Variants in PRR16 observed in about 807,000 individuals in gnomAD.
PRR16 encodes the protein proline rich 16.
A neutral mutation model predicts 18.2 loss-of-function variants in PRR16; 6 were observed. The observed-to-expected ratio is 0.33, with a 90% confidence interval of 0.18 to 0.65. The LOEUF (loss-of-function observed/expected upper bound fraction) is 0.65. Ranked by LOEUF, PRR16 falls within the 30% of genes least tolerant of loss-of-function variation. The pLI is 0.74. For synonymous variants in PRR16, 151 were observed against 147.8 expected, an observed-to-expected ratio of 1.02 and a Z score of -0.16; for missense variants, 412 against 376.6, an observed-to-expected ratio of 1.09 and a Z score of -0.78.
intron 1 of PRR16, among the ~76,000 whole-genome samples, chr5:120,595,332 A>G (rs920054235): frequency 2.0e-5 from 3 of 152,016 alleles, no homozygotes; most frequent in East Asian, 1.9e-4. Flanking sequence ...GTCAACCATC[A>G]TATGAAGGAA....
At chr5:120,639,070 C>A (rs1260978855) in intron 1 of PRR16, among the ~76,000 whole-genome samples, 2 of 152,026 alleles carry the variant, frequency 1.3e-5, no homozygotes, top group African/African-American at 4.8e-5. Flanking sequence ...AATATAGAAT[C>A]TATGCTGTCT....
intron 1 of PRR16, among the ~76,000 whole-genome samples, chr5:120,651,858 C>A (rs1004835901): frequency 6.6e-6 from 1 of 151,926 alleles, no homozygotes; most frequent in Admixed American, 6.6e-5. Context: ...TTTTCCAATT[C>A]TGTGAAGAAA....
At chr5:120,754,765 C>T in the PRR16 span, among the ~76,000 whole-genome samples, 1 of 149,144 alleles carries the variant, frequency 6.7e-6, no homozygotes, top group South Asian at 2.1e-4. Context: ...ATATTGATAA[C>T]ATCTTTACTT....
chr5:120,763,409 T>G, the PRR16 span, among the ~76,000 whole-genome samples: 1 of 152,022 alleles, frequency 6.6e-6, no homozygotes, highest in Non-Finnish European at 1.5e-5. Context: ...GCTGGGCTTA[T>G]AGGTGTGAGC....
chr5:120,783,140 TAAG>T, the PRR16 span, among the ~76,000 whole-genome samples: 3 of 152,184 alleles, frequency 2.0e-5, no homozygotes, highest in African/African-American at 7.2e-5. Context: ...ATATAATTCA[TAAG>T]AAAGAATTAT....
Position 120,567,641 on chromosome 5 carries a change from G to T in PRR16, c.159+102996G>T, listed in dbSNP as rs902587916. Among the ~76,000 whole-genome samples the T allele has an allele frequency of 4.6e-5, 7 of 152,220 alleles. No homozygotes were observed. The East Asian group carries it at 9.7e-4, about 21-fold the overall frequency. ...TTTCCCACTTGCTCTTCTCATGATA[G>T]TGAGTGACTGGTAATCAGATCTGGT... On this transcript the variant is annotated intron_variant, in intron 1 of 1. Transcript: ENST00000407149.
the PRR16 span, among the ~76,000 whole-genome samples, chr5:120,755,789 C>T: frequency 1.3e-5 from 2 of 151,972 alleles, no homozygotes; most frequent in Admixed American, 1.3e-4. Context: ...ATGAGTAGTC[C>T]AGGTTCTTGT....
chr5:120,772,962 G>A, the PRR16 span, among the ~76,000 whole-genome samples: 20 of 152,072 alleles, frequency 1.3e-4, no homozygotes, highest in East Asian at 1.4e-3. Context: ...CATCATCTTT[G>A]TACCTCTTTC....
chr5:120,638,280 C>T (rs1755305879), intron 1 of PRR16, among the ~76,000 whole-genome samples: 2 of 152,036 alleles, frequency 1.3e-5, no homozygotes, highest in South Asian at 4.1e-4. Context: ...TTAAGGATGC[C>T]CAACCTATAT....
At chr5:120,532,241 C>T (rs1184958173) in intron 1 of PRR16, among the ~76,000 whole-genome samples, 1 of 151,978 alleles carries the variant, frequency 6.6e-6, no homozygotes, top group African/African-American at 2.4e-5. Context: ...AGATATTATA[C>T]AAGTGTTTGG....
intron 1 of PRR16, among the ~76,000 whole-genome samples, chr5:120,509,242 C>T (rs975357633): frequency 6.6e-6 from 1 of 152,104 alleles, no homozygotes; most frequent in African/African-American, 2.4e-5. Context: ...CACAGGCCCT[C>T]TATGGTGTAA....
chr5:120,617,596 C>A (rs1754557482), intron 1 of PRR16, among the ~76,000 whole-genome samples: 1 of 152,050 alleles, frequency 6.6e-6, no homozygotes, highest in Admixed American at 6.6e-5. Flanking sequence ...AATATTCACA[C>A]TTTTTATTAA....
At chr5:120,529,532 A>C (rs558800156) in intron 1 of PRR16, among the ~76,000 whole-genome samples, 1 of 152,142 alleles carries the variant, frequency 6.6e-6, no homozygotes, top group African/African-American at 2.4e-5. Context: ...TATATAACAA[A>C]CTCTGGTGAT....
Position 120,665,759 on chromosome 5 carries a change from G to A in PRR16, c.160-20195G>A, listed in dbSNP as rs1017656190. On this transcript the variant is annotated intron_variant, in intron 1 of 1. Transcript: ENST00000407149. ...TTTTTGTCAGGTTTGTCAAAGATCA[G>A]ATAGTTGTAGATATGTGGCATTATT... 5.1e-4 allele frequency among the ~76,000 whole-genome samples: 77 copies of A among 152,288 alleles called. 1 individual carries two copies. Among genetic ancestry groups the A allele is most frequent in the Admixed American group, 1.6e-3 (25 of 15,300 alleles).
chr5:120,662,503 G>A (rs1381144538), intron 1 of PRR16, among the ~76,000 whole-genome samples: 1 of 151,882 alleles, frequency 6.6e-6, no homozygotes, highest in Non-Finnish European at 1.5e-5. Flanking sequence ...TATATCTTAT[G>A]TATTTTTGTA....
At chr5:120,474,604 AAAAC>A (rs1267730723) in intron 1 of PRR16, among the ~76,000 whole-genome samples, 319 of 145,036 alleles carry the variant, frequency 2.2e-3, no homozygotes, top group African/African-American at 7.5e-3. Flanking sequence ...TTTTAAAAAA[AAAAC>A]CCATTATCTG....
At chr5:120,606,162 T>C (rs1754147656) in intron 1 of PRR16, among the ~76,000 whole-genome samples, 1 of 152,182 alleles carries the variant, frequency 6.6e-6, no homozygotes, top group Non-Finnish European at 1.5e-5. Context: ...ACTTCAGAGT[T>C]GTTAAGTCTT....
the PRR16 span, among the ~76,000 whole-genome samples, chr5:120,704,366 C>G: frequency 3.9e-5 from 6 of 151,998 alleles, no homozygotes; most frequent in Non-Finnish European, 5.9e-5. Flanking sequence ...TCCCTCCTTT[C>G]CTGGCCTAAG....
At chr5:120,515,065 T>C in intron 1 of PRR16, among the ~76,000 whole-genome samples, 1 of 152,208 alleles carries the variant, frequency 6.6e-6, no homozygotes, top group East Asian at 1.9e-4. Context: ...CAGAATTTTA[T>C]TTGGCTCATG....
Sources: allele counts gnomAD v4.1 joint callset (sites outside exome capture counted in the v4.1 genomes callset), GRCh38; gene constraint gnomAD v4.1.1; transcripts MANE v1.5; gene names NCBI Gene and HGNC (gene_info 2026-07-23, HGNC 2026-07-21).